The following TRAM2 variants were observed in gnomAD, a reference collection of about 807,000 sequenced individuals.
TRAM2 encodes the protein translocation associated membrane protein 2, also known as translocating chain-associated membrane protein 2.
A neutral mutation model predicts 51.0 loss-of-function variants in TRAM2; 12 were observed. The observed-to-expected ratio is 0.24, with a 90% confidence interval of 0.15 to 0.38. TRAM2 has a LOEUF of 0.38. Ranked by LOEUF, TRAM2 falls within the 10% of genes least tolerant of loss-of-function variation. The pLI, the probability that TRAM2 is intolerant of heterozygous loss-of-function variation, is 1.00. For synonymous variants in TRAM2, 175 were observed against 179.4 expected (o/e 0.98, Z 0.20); for missense variants, 361 against 462.0 (o/e 0.78, Z 2.00).
chr6:52,558,116 T>A (rs1409053050), intron 1 of TRAM2, among the ~76,000 whole-genome samples: 1 of 152,198 alleles, frequency 6.6e-6, no homozygotes, highest in African/African-American at 2.4e-5. Context: ...TCAGGCCACG[T>A]GGGCTCAGCT....
intron 2 of TRAM2, among the ~76,000 whole-genome samples, chr6:52,535,024 G>C (rs1766954382): frequency 6.6e-6 from 1 of 152,112 alleles, no homozygotes; most frequent in South Asian, 2.1e-4. Flanking sequence ...AAGACTTGTG[G>C]CTGGGCCTGA....
rs914240664 is a variant in TRAM2 at position 52,497,769 on chromosome 6, A to T, written c.*5428T>A. On this transcript the variant is annotated 3_prime_UTR_variant, in exon 11 of 11. Transcript: ENST00000182527. ...TTTTTTTAAACAGAGGAACCGAAAA[A>T]TGAGGTTTACAGTCTCATCACATGA... The T allele has an allele frequency of 6.6e-6, 1 of 152,604 alleles. No individual in the cohort carries two copies. Among genetic ancestry groups the T allele is most frequent in the African/African-American group, 2.4e-5 (1 of 41,424 alleles). 9.5% of individuals were successfully genotyped at this position (152,604 alleles called of 1,614,324 possible).
intron 2 of TRAM2, among the ~76,000 whole-genome samples, chr6:52,533,422 A>T (rs1295080701): frequency 6.6e-6 from 1 of 152,122 alleles, no homozygotes; most frequent in South Asian, 2.1e-4. Flanking sequence ...CCAGCACTAG[A>T]GTGTGCCCTG....
chr6:52,574,606 G>GT (rs1488102068), intron 1 of TRAM2, among the ~76,000 whole-genome samples: 3 of 152,222 alleles, frequency 2.0e-5, no homozygotes, highest in Non-Finnish European at 2.9e-5. Context: ...AAGGGGGCCT[G>GT]TAGGCATTTC....
intron 2 of TRAM2, among the ~76,000 whole-genome samples, chr6:52,534,373 C>CTCCA (rs2114085476): frequency 6.6e-6 from 1 of 152,312 alleles, no homozygotes; most frequent in South Asian, 2.1e-4. Context: ...AAGAGTGAAA[C>CTCCA]TCCATCCAAA....
chr6:52,568,166 C>G (rs1264260235), intron 1 of TRAM2, among the ~76,000 whole-genome samples: 2 of 152,198 alleles, frequency 1.3e-5, no homozygotes, highest in East Asian at 3.9e-4. Flanking sequence ...TCACTGCACG[C>G]TTCCCTGCTG....
At chr6:52,544,274 T>A (rs1767157419) in intron 1 of TRAM2, among the ~76,000 whole-genome samples, 1 of 152,188 alleles carries the variant, frequency 6.6e-6, no homozygotes, top group Middle Eastern at 3.2e-3. Flanking sequence ...ATCATTAAAC[T>A]AAGCAAACTG....
chr6:52,552,454 G>C (rs796112626), intron 1 of TRAM2, among the ~76,000 whole-genome samples: 25 of 152,358 alleles, frequency 1.6e-4, no homozygotes, highest in African/African-American at 5.8e-4. Flanking sequence ...GCAGAAGGGA[G>C]AAAAGTGCAG....
intron 2 of TRAM2, among the ~76,000 whole-genome samples, chr6:52,521,621 C>A (rs923686094): frequency 6.6e-6 from 1 of 151,674 alleles, no homozygotes; most frequent in Non-Finnish European, 1.5e-5. Flanking sequence ...GGCGTGAACC[C>A]GGGAGGGGAA....
intron 3 of TRAM2, 139 bp from the exon 4 acceptor site, chr6:52,516,261 G>A: frequency 3.8e-6 from 3 of 781,720 alleles, no homozygotes; most frequent in Non-Finnish European, 6.3e-6. Context: ...GTCATTTGGT[G>A]TAAGCCTACT....
At position 52,553,100 on chromosome 6, in the gene TRAM2, C is replaced by T. The variant is rs139135553; in HGVS notation, c.121-17254G>A. Reference sequence around the variant, plus strand: ...CCAGGCATATACACACAAACATACACGCACACACCACAGCCCCTCCATTGC... The same window carrying T: ...CCAGGCATATACACACAAACATACATGCACACACCACAGCCCCTCCATTGC... On this transcript the variant is annotated intron_variant, in intron 1 of 10. Transcript: ENST00000182527. Among the ~76,000 whole-genome samples the T allele has an allele frequency of 3.8e-3, 586 of 152,232 alleles. 10 individuals carry two copies. The highest frequency in any genetic ancestry group is 3.1e-3 in the Non-Finnish European group (209 of 68,010).
chr6:52,539,972 A>G (rs1291184770), intron 1 of TRAM2, among the ~76,000 whole-genome samples: 2 of 152,152 alleles, frequency 1.3e-5, no homozygotes, highest in Non-Finnish European at 2.9e-5. Context: ...TTTTCTGAAC[A>G]TGATTCTGAG....
At chr6:52,522,293 G>A (rs1766691562) in intron 2 of TRAM2, among the ~76,000 whole-genome samples, 1 of 152,272 alleles carries the variant, frequency 6.6e-6, no homozygotes, top group African/African-American at 2.4e-5. Flanking sequence ...TCCCACAGGG[G>A]TGAGGGAGGC....
At chr6:52,554,110 A>G (rs988207283) in intron 1 of TRAM2, among the ~76,000 whole-genome samples, 1 of 152,186 alleles carries the variant, frequency 6.6e-6, no homozygotes, top group East Asian at 1.9e-4. Flanking sequence ...CTCCCAGGCA[A>G]TCAAGTCCTA....
chr6:52,561,088 T>C (rs1290601744), intron 1 of TRAM2, among the ~76,000 whole-genome samples: 2 of 152,222 alleles, frequency 1.3e-5, no homozygotes, highest in African/African-American at 2.4e-5. Flanking sequence ...TGCTACAGCA[T>C]AGATGAACCC....
chr6:52,533,970 A>G (rs1766934856), intron 2 of TRAM2, among the ~76,000 whole-genome samples: 1 of 152,034 alleles, frequency 6.6e-6, no homozygotes, highest in Admixed American at 6.5e-5. Flanking sequence ...GCACATCTGT[A>G]ATTACTTGGG....
Position 52,508,222 on chromosome 6 carries a change from G to A in TRAM2, c.555+12C>T, listed in dbSNP as rs754068609. ...GAATGGCCTCCAAGAAGGGAGAGAA[G>A]TGAGCACTCACCTTCCGTACCTTCT... On this transcript the variant is annotated intron_variant, in intron 6 of 10. Transcript: ENST00000182527. The A allele has an allele frequency of 3.1e-6, 5 of 1,613,576 alleles. No individual in the cohort carries two copies. Among genetic ancestry groups the A allele is most frequent in the Non-Finnish European group, 4.2e-6 (5 of 1,179,704 alleles).
rs1222434187 is a variant in TRAM2 at position 52,498,973 on chromosome 6, A to T, written c.*4224T>A. 6.6e-6 allele frequency: 1 copy of T among 152,464 alleles called. No homozygotes were observed. Among genetic ancestry groups the T allele is most frequent in the Non-Finnish European group, 1.5e-5 (1 of 68,046 alleles). The allele number at this position is 152,464 out of a possible 1,614,324, so 9.4% of individuals were successfully genotyped here. A position where few individuals can be genotyped will look rare whatever the true frequency, so the allele number is the denominator to read the frequency against. Reference sequence around the variant, plus strand: ...CACGAAAGGCTACATGGAGACTGCAAATCCCAATGCTCGTCTTTATAGCTC... The same window carrying T: ...CACGAAAGGCTACATGGAGACTGCATATCCCAATGCTCGTCTTTATAGCTC... On this transcript the variant is annotated 3_prime_UTR_variant, in exon 11 of 11. Coordinates refer to ENST00000182527, the MANE Select transcript of TRAM2 (RefSeq NM_012288.4).
rs1767315325 is a variant in TRAM2 at position 52,551,838 on chromosome 6, T to C, written c.121-15992A>G. ...AAGGGAAGAGGAAGGGGTTTCAATG[T>C]GCCCAAGCACCATGCCCCACCCAAC... On this transcript the variant is annotated intron_variant, in intron 1 of 10. Transcript: ENST00000182527. 1.3e-5 allele frequency among the ~76,000 whole-genome samples: 2 copies of C among 152,262 alleles called. 1 individual carries two copies. Among genetic ancestry groups the C allele is most frequent in the South Asian group, 4.1e-4 (2 of 4,836 alleles).
Sources: gnomAD v4.1 joint callset for allele counts (sites outside exome capture counted in the v4.1 genomes callset) on GRCh38, gnomAD v4.1.1 for gene constraint, MANE v1.5 for transcripts, NCBI Gene and HGNC (gene_info 2026-07-23, HGNC 2026-07-21) for gene names.